Variants in VPS26C observed in about 807,000 individuals in gnomAD.
VPS26C encodes the protein vacuolar protein sorting-associated protein 26C.
In VPS26C, 19 loss-of-function variants were observed where a neutral mutation model predicts 30.6. The observed-to-expected ratio is 0.62, with a 90% CI of 0.43 to 0.91. The LOEUF (loss-of-function observed/expected upper bound fraction) is 0.91. Ranked by LOEUF, VPS26C falls within the 40% of genes least tolerant of loss-of-function variation. The probability of loss-of-function intolerance (pLI) is 0.00; values close to 1 mark genes in which losing one functional copy is unlikely to be tolerated. For missense variants in VPS26C, 318 were observed against 385.1 expected, an observed-to-expected ratio of 0.83 and a Z score of 1.46; for synonymous variants, 132 against 151.5, an observed-to-expected ratio of 0.87 and a Z score of 0.95.
At chr21:37,236,838 A>G (rs2086030071) in intron 3 of VPS26C, among the ~76,000 whole-genome samples, 1 of 152,232 alleles carries the variant, frequency 6.6e-6, no homozygotes, top group Non-Finnish European at 1.5e-5. Context: ...GGGTAGGGGC[A>G]ATTATTCCCT....
chr21:37,260,518 T>C lies in VPS26C; in HGVS notation c.57+6720A>G, dbSNP rs1225183673. On this transcript the variant is annotated intron_variant, in intron 1 of 7. Transcript: ENST00000309117. ...GCAACATAGCGTGATTTCATCTCTA[T>C]CTTAATAAAATACTTAAAAAAAGAA... 3.3e-5 allele frequency among the ~76,000 whole-genome samples: 5 copies of C among 152,214 alleles called. No individual in the cohort carries two copies. The East Asian group carries it at 7.7e-4, about 24-fold the overall frequency.
intron 1 of VPS26C, 57 bp downstream of exon 1, chr21:37,267,181 C>T: frequency 1.4e-6 from 2 of 1,407,482 alleles, no homozygotes; most frequent in Non-Finnish European, 2.0e-6. Flanking sequence ...ATGGAGACAG[C>T]GGAACCTGCA....
At chr21:37,255,216 A>T (rs2086230443) in intron 1 of VPS26C, among the ~76,000 whole-genome samples, 1 of 152,214 alleles carries the variant, frequency 6.6e-6, no homozygotes, top group Non-Finnish European at 1.5e-5. Flanking sequence ...ATTTCTGCCC[A>T]TCGGTTCCTA....
rs551086577 is a variant in VPS26C at position 37,257,934 on chromosome 21, G to A, written c.57+9304C>T. On this transcript the variant is annotated intron_variant, in intron 1 of 7. Transcript: ENST00000309117. This position sits in a 1 kb window ranked among gnomAD's most constrained non-coding sequence, Gnocchi z 4.2. ...AGGGGACAGTGAAGCACCATGCAGC[G>A]CCCACCAGCCGGCAGCGCCCACCAG... Among the ~76,000 whole-genome samples the A allele has an allele frequency of 2.0e-5, 3 of 152,270 alleles. No homozygotes were observed. Among genetic ancestry groups the A allele is most frequent in the East Asian group, 3.9e-4 (2 of 5,174 alleles).
At position 37,224,103 on chromosome 21, in the gene VPS26C, T is replaced by A. The variant is rs1347585571; in HGVS notation, c.*1441A>T. 1 of 152,266 alleles carries A rather than the reference T, an allele frequency of 6.6e-6. No homozygotes were observed. The highest frequency in any genetic ancestry group is 1.5e-5 in the Non-Finnish European group (1 of 68,056). The allele number at this position is 152,266 out of a possible 1,614,324, so 9.4% of individuals were successfully genotyped here. ...CCAAATTCATCAAGTCAAGGACCTTTTCCTGCTACCACCTTGCGGAGAGGG... is the reference window on the plus strand; with the variant it reads ...CCAAATTCATCAAGTCAAGGACCTTATCCTGCTACCACCTTGCGGAGAGGG... On this transcript the variant is annotated 3_prime_UTR_variant, in exon 8 of 8. Transcript: ENST00000309117.
rs2085890333 is a variant in VPS26C, at chr21:37,225,582, T to G, written c.856A>C (p.Ile286Leu). Residue 286 changes from isoleucine to leucine, a missense_variant, in exon 8 of 8, where the codon ATC (isoleucine) becomes CTC (leucine). Coordinates refer to ENST00000309117, the MANE Select transcript of VPS26C (RefSeq NM_006052.2). ...AGCTTCAGCGGGAAGTTCTCCGTGA[T>G]GAGGTGGTCAGGGTGAAGCAGCACC... is the stretch of plus-strand genomic sequence containing the variant. ...IVVLLHPDHL[I>L]TENFPLKLCR... 1 of 1,614,032 alleles carries G rather than the reference T, an allele frequency of 6.2e-7. No individual in the cohort carries two copies. The highest frequency in any genetic ancestry group is 8.5e-7 in the Non-Finnish European group (1 of 1,180,020).
rs980847532 is a variant in VPS26C, at chr21:37,223,982, A to G, written c.*1562T>C. 2.6e-5 allele frequency: 4 copies of G among 152,276 alleles called. No homozygotes were observed. The highest frequency in any genetic ancestry group is 9.6e-5 in the African/African-American group (4 of 41,468). The allele number at this position is 152,276 out of a possible 1,614,324, so 9.4% of individuals were successfully genotyped here. On this transcript the variant is annotated 3_prime_UTR_variant, in exon 8 of 8. Coordinates refer to ENST00000309117, the MANE Select transcript of VPS26C (RefSeq NM_006052.2). ...AGGAAGAAATGTATTGCAATAGTCC[A>G]TATCCTTCGAACCACAAAGGGAGAC...
chr21:37,237,460 C>G (rs2086037152), intron 3 of VPS26C: 1 of 152,212 alleles, frequency 6.6e-6, no homozygotes, highest in Non-Finnish European at 1.5e-5. Flanking sequence ...GACTCCCACC[C>G]ACATACCAGC....
At position 37,235,300 on chromosome 21, in the gene VPS26C, A is replaced by G. The variant is rs563290487; in HGVS notation, c.352-1858T>C. Among the ~76,000 whole-genome samples the G allele has an allele frequency of 3.0e-4, 45 of 151,852 alleles. No individual in the cohort carries two copies. In the South Asian group the frequency reaches 8.7e-3, roughly 30 times the overall value. On this transcript the variant is annotated intron_variant, in intron 3 of 7. Coordinates refer to ENST00000309117, the MANE Select transcript of VPS26C (RefSeq NM_006052.2). ...GGTGTGAGCCACCGTGCCTGGCCTA[A>G]TTTTTGTATTTTTAGTAGATACGGG...
At chr21:37,227,514 G>A (rs1049068111) in intron 7 of VPS26C, 140 bp downstream of exon 7, 6 of 966,644 alleles carry the variant, frequency 6.2e-6, no homozygotes, top group African/African-American at 1.6e-5. Flanking sequence ...AGCAGGCTCT[G>A]AGCTGTATGG....
chr21:37,238,448 G>A lies in VPS26C; in HGVS notation c.351+12C>T, dbSNP rs762332467. 1.9e-6 allele frequency: 3 copies of A among 1,613,034 alleles called. No individual in the cohort carries two copies. The highest frequency in any genetic ancestry group is 2.5e-6 in the Non-Finnish European group (3 of 1,179,360). On this transcript the variant is annotated intron_variant, in intron 3 of 7. Transcript: ENST00000309117. ...TTGTGAAGTCAGTCGCGTAGGACTA[G>A]GAAGCTCTCACCTGAATGTTGACAA...
chr21:37,252,284 G>A (rs547533364), intron 1 of VPS26C, among the ~76,000 whole-genome samples: 17 of 152,220 alleles, frequency 1.1e-4, no homozygotes, highest in African/African-American at 3.1e-4. Context: ...ATTAGAAAGC[G>A]GAAATCAGAA....
At chr21:37,255,011 C>G (rs1001590308) in intron 1 of VPS26C, among the ~76,000 whole-genome samples, 1 of 152,092 alleles carries the variant, frequency 6.6e-6, no homozygotes, top group Non-Finnish European at 1.5e-5. Flanking sequence ...GGGCACTGTT[C>G]ATGGGGCAGC....
At chr21:37,235,058 G>A (rs1432642743) in intron 3 of VPS26C, among the ~76,000 whole-genome samples, 1 of 151,812 alleles carries the variant, frequency 6.6e-6, no homozygotes, top group Non-Finnish European at 1.5e-5. Context: ...TCAGGCTGGA[G>A]TGCGATGGCG....
intron 1 of VPS26C, among the ~76,000 whole-genome samples, chr21:37,251,223 T>A (rs2086190603): frequency 6.6e-6 from 1 of 152,170 alleles, no homozygotes; most frequent in African/African-American, 2.4e-5. Context: ...AGCAGATACA[T>A]TTGCAGATGT....
In VPS26C at chr21:37,238,338, G is replaced by T. The variant is rs540062731; in HGVS notation, c.351+122C>A. 969 of 1,107,962 alleles carry T rather than the reference G, an allele frequency of 8.7e-4. 26 individuals carry two copies. The South Asian group carries it at 0.015, about 17-fold the overall frequency. The allele number at this position is 1,107,962 out of a possible 1,614,324, so 68.6% of individuals were successfully genotyped here. A position where few individuals can be genotyped will look rare whatever the true frequency, so the allele number is the denominator to read the frequency against. On this transcript the variant is annotated intron_variant, in intron 3 of 7. Transcript: ENST00000309117. ...AAATTAACGTCGAATATACATGCGAGGTCTCAGCAATAAACACAGTATTAA... is the reference window on the plus strand; with the variant it reads ...AAATTAACGTCGAATATACATGCGATGTCTCAGCAATAAACACAGTATTAA...
At chr21:37,234,247 C>T (rs1181545221) in intron 3 of VPS26C, among the ~76,000 whole-genome samples, 1 of 152,270 alleles carries the variant, frequency 6.6e-6, no homozygotes, top group Non-Finnish European at 1.5e-5. Context: ...CATCTGCCAA[C>T]ACACAGATGT....
Position 37,233,580 on chromosome 21 carries a change from A to G in VPS26C, c.352-138T>C. On this transcript the variant is annotated intron_variant, in intron 3 of 7. Transcript: ENST00000309117. This position sits in a 1 kb window ranked among gnomAD's most constrained non-coding sequence, Gnocchi z 5.2. The stretch of plus-strand genomic sequence containing the variant: ...TCAGTGCATTATAGAAAATTAACAT[A>G]CATAATATAATACATAATAGGATAG... 1 of 631,102 alleles carries G rather than the reference A, an allele frequency of 1.6e-6. No homozygotes were observed. Among genetic ancestry groups the G allele is most frequent in the Non-Finnish European group, 2.9e-6 (1 of 348,916 alleles). 39.1% of individuals were successfully genotyped at this position (631,102 alleles called of 1,614,324 possible).
At chr21:37,241,199 C>T (rs112126209) in intron 1 of VPS26C, among the ~76,000 whole-genome samples, 3,936 of 152,248 alleles carry the variant, frequency 0.026, 89 homozygotes, top group Non-Finnish European at 0.036. Context: ...GTGCCACCCA[C>T]GAGGCAGCAG....
Sources: allele counts gnomAD v4.1 joint callset (sites outside exome capture counted in the v4.1 genomes callset), GRCh38; gene constraint gnomAD v4.1.1; non-coding constraint Gnocchi (gnomAD v3.1); transcripts MANE v1.5; gene names NCBI Gene and HGNC (gene_info 2026-07-23, HGNC 2026-07-21).